STXBP5L: variants seen among roughly 807,000 people sequenced by gnomAD.
The protein encoded by STXBP5L is syntaxin-binding protein 5-like.
Under a neutral mutation model 144.5 loss-of-function variants are expected in STXBP5L, and 65 were observed. The ratio of observed to expected loss-of-function variants is 0.45; its 90% confidence interval spans 0.37 to 0.55. The LOEUF (loss-of-function observed/expected upper bound fraction) is 0.55, where lower values mean the gene tolerates loss of function less well. STXBP5L is among the 20% of genes least tolerant of loss of function. The pLI is 0.00. For synonymous variants in STXBP5L, 505 were observed against 469.6 expected (o/e 1.08, Z -0.97); for missense variants, 1,298 against 1,405.5 (o/e 0.92, Z 1.22).
chr3:120,932,095 G>C (rs1208833134), intron 2 of STXBP5L, among the ~76,000 whole-genome samples: 1 of 152,088 alleles, frequency 6.6e-6, no homozygotes, highest in Non-Finnish European at 1.5e-5. Flanking sequence ...AGGTATAACA[G>C]AATGGTAAGT....
intron 13 of STXBP5L, 109 bp from the exon 14 acceptor site, chr3:121,240,330 CA>C: frequency 1.1e-6 from 1 of 949,790 alleles, no homozygotes; most frequent in Non-Finnish European, 1.6e-6. Flanking sequence ...GATGATTTTA[CA>C]CTTATTTTTC....
At chr3:121,382,918 A>G (rs1278823487) in intron 22 of STXBP5L, among the ~76,000 whole-genome samples, 1 of 152,138 alleles carries the variant, frequency 6.6e-6, no homozygotes, top group Non-Finnish European at 1.5e-5. Flanking sequence ...ATAAGATTTA[A>G]TGGGAAGCTA....
At chr3:121,410,043 T>C (rs918327967) in intron 23 of STXBP5L, among the ~76,000 whole-genome samples, 1 of 151,894 alleles carries the variant, frequency 6.6e-6, no homozygotes, top group Admixed American at 6.6e-5. Flanking sequence ...AATCATTTTA[T>C]GGTCTGTTCA....
At chr3:121,328,339 G>A (rs2044216868) in intron 20 of STXBP5L, among the ~76,000 whole-genome samples, 1 of 152,132 alleles carries the variant, frequency 6.6e-6, no homozygotes, top group African/African-American at 2.4e-5. Flanking sequence ...ACAGACAATT[G>A]TTATCCTTAT....
At chr3:121,229,192 C>T (rs1247402113) in intron 11 of STXBP5L, among the ~76,000 whole-genome samples, 2 of 152,140 alleles carry the variant, frequency 1.3e-5, no homozygotes, top group Non-Finnish European at 2.9e-5. Context: ...CCATGCAAGA[C>T]TATCTCATGC....
chr3:121,171,166 A>C (rs1287750849), intron 9 of STXBP5L, among the ~76,000 whole-genome samples: 1 of 152,206 alleles, frequency 6.6e-6, no homozygotes, highest in Non-Finnish European at 1.5e-5. Flanking sequence ...ACACCCCTTC[A>C]TGCTAAAAAC....
chr3:121,093,919 A>C (rs189806847), intron 5 of STXBP5L, among the ~76,000 whole-genome samples: 2 of 151,822 alleles, frequency 1.3e-5, no homozygotes, highest in Admixed American at 1.3e-4. Context: ...AGTGCTATAC[A>C]TTTCCCTCTA....
At chr3:121,296,339 G>T (rs1333024613) in intron 19 of STXBP5L, among the ~76,000 whole-genome samples, 1 of 152,074 alleles carries the variant, frequency 6.6e-6, no homozygotes, top group Admixed American at 6.6e-5. Flanking sequence ...AACTTAACTG[G>T]TTTCCATTCC....
intron 3 of STXBP5L, among the ~76,000 whole-genome samples, chr3:120,975,735 TGA>T (rs1334304130): frequency 1.1e-4 from 16 of 152,194 alleles, no homozygotes; most frequent in African/African-American, 3.1e-4. Context: ...CCTAATTTAT[TGA>T]GAGTTTTTAG....
At chr3:121,345,807 C>A (rs909556813) in intron 20 of STXBP5L, among the ~76,000 whole-genome samples, 5 of 151,936 alleles carry the variant, frequency 3.3e-5, no homozygotes, top group Non-Finnish European at 5.9e-5. Context: ...TAGAAGTCTT[C>A]TTTTTTTATA....
At chr3:121,184,033 T>A (rs960282718) in intron 9 of STXBP5L, among the ~76,000 whole-genome samples, 2 of 151,598 alleles carry the variant, frequency 1.3e-5, no homozygotes, top group Non-Finnish European at 2.9e-5. Flanking sequence ...ACAAAAAGGA[T>A]GTACACCCAA....
chr3:121,010,279 AGTT>A (rs1269461294), intron 3 of STXBP5L, among the ~76,000 whole-genome samples: 5 of 151,764 alleles, frequency 3.3e-5, no homozygotes, highest in African/African-American at 1.2e-4. Flanking sequence ...TACTACACAT[AGTT>A]GTTGTGGCAC....
At chr3:121,188,529 C>A (rs140662474) in intron 9 of STXBP5L, among the ~76,000 whole-genome samples, 121 of 151,214 alleles carry the variant, frequency 8.0e-4, no homozygotes, top group African/African-American at 2.7e-3. Context: ...AGACCAATAT[C>A]CCTGATGAAC....
intron 3 of STXBP5L, among the ~76,000 whole-genome samples, chr3:120,975,934 G>T (rs1260405443): frequency 6.6e-6 from 1 of 152,138 alleles, no homozygotes; most frequent in African/African-American, 2.4e-5. Context: ...TGTGCTGCTG[G>T]ATTCTGTTTG....
intron 3 of STXBP5L, among the ~76,000 whole-genome samples, chr3:120,986,449 T>C (rs1407802379): frequency 6.6e-6 from 1 of 151,994 alleles, no homozygotes; most frequent in African/African-American, 2.4e-5. Context: ...TTATTTAATA[T>C]TGTGAGTTTG....
At chr3:121,083,254 T>C (rs2042335222) in intron 5 of STXBP5L, among the ~76,000 whole-genome samples, 1 of 152,122 alleles carries the variant, frequency 6.6e-6, no homozygotes, top group Non-Finnish European at 1.5e-5. Flanking sequence ...TCATCAGGGA[T>C]ATTAGTCTGT....
chr3:121,354,944 G>C (rs375691948), intron 20 of STXBP5L, among the ~76,000 whole-genome samples: 9 of 152,094 alleles, frequency 5.9e-5, no homozygotes, highest in Non-Finnish European at 2.9e-5. Context: ...TTCTCCTTCA[G>C]TTATGAAGCT....
chr3:121,122,883 T>A (rs749346613), intron 7 of STXBP5L, among the ~76,000 whole-genome samples: 3 of 151,408 alleles, frequency 2.0e-5, no homozygotes, highest in Non-Finnish European at 4.4e-5. Context: ...GAGGTAATAT[T>A]TCCTACATGT....
At chr3:121,242,473 G>C (rs1466987304) in intron 14 of STXBP5L, among the ~76,000 whole-genome samples, 1 of 151,968 alleles carries the variant, frequency 6.6e-6, no homozygotes, top group African/African-American at 2.4e-5. Context: ...ATAAGTTGTG[G>C]TACAATGTAA....
Sources: allele counts gnomAD v4.1 joint callset (sites outside exome capture counted in the v4.1 genomes callset), GRCh38; gene constraint gnomAD v4.1.1; transcripts MANE v1.5; gene names NCBI Gene and HGNC (gene_info 2026-07-23, HGNC 2026-07-21).